Variants in DRC1 observed in about 807,000 individuals in gnomAD.
DRC1 encodes dynein regulatory complex protein 1.
Under a neutral mutation model 98.7 loss-of-function variants are expected in DRC1, and 74 were observed. The observed-to-expected ratio is 0.75, with a 90% CI of 0.62 to 0.91. The LOEUF (loss-of-function observed/expected upper bound fraction) is 0.91, where lower values mean the gene tolerates loss of function less well. DRC1 is among the 40% of genes least tolerant of loss of function. DRC1 has a pLI of 0.00. For synonymous variants in DRC1, 336 were observed against 334.1 expected (o/e 1.01, Z -0.06); for missense variants, 875 against 886.0 (o/e 0.99, Z 0.16).
Position 26,444,350 on chromosome 2 carries a change from C to T in DRC1, c.1157C>T (p.Ala386Val). 1 of 1,613,880 alleles carries T rather than the reference C, an allele frequency of 6.2e-7. No individual in the cohort carries two copies. Among genetic ancestry groups the T allele is most frequent in the Non-Finnish European group, 8.5e-7 (1 of 1,179,964 alleles). Residue 386 changes from alanine (A) to valine (V), a missense_variant, in exon 9 of 17, where the codon GCC becomes GTC. Ala to Val is a moderately conservative substitution (Grantham distance 64, BLOSUM62 0). Coordinates refer to ENST00000288710, the MANE Select transcript of DRC1 (RefSeq NM_145038.5). ...ATGCAATTCAAGGAGCTACAGAAAG[C>T]CATGAGGTATCTTAAGGACTTGGTC... ...LVMQFKELQK[A>V]MRHFALIDDE... is the part of the protein sequence containing the mutation.
intron 2 of DRC1, among the ~76,000 whole-genome samples, chr2:26,417,668 C>G (rs1678854839): frequency 6.6e-6 from 1 of 152,150 alleles, no homozygotes; most frequent in African/African-American, 2.4e-5. Flanking sequence ...TTAGAATCAG[C>G]TTGTCAATTT....
At chr2:26,439,122 C>T (rs981328051) in intron 7 of DRC1, among the ~76,000 whole-genome samples, 2 of 152,172 alleles carry the variant, frequency 1.3e-5, no homozygotes, top group African/African-American at 2.4e-5. Context: ...TTCCTTTCCT[C>T]GTGCCTCACA....
intron 8 of DRC1, 67 bp downstream of exon 8, chr2:26,440,584 T>C: frequency 6.7e-7 from 1 of 1,485,978 alleles, no homozygotes; most frequent in South Asian, 1.5e-5. Flanking sequence ...GGATATGTAC[T>C]TTTTTCTATT....
At chr2:26,429,491 C>A in intron 4 of DRC1, 137 bp from the exon 5 acceptor site, 1 of 1,142,958 alleles carries the variant, frequency 8.7e-7, no homozygotes, top group South Asian at 1.6e-5. Context: ...TAGGTGTGAG[C>A]CACTGTGCGC....
Position 26,449,991 on chromosome 2 carries a change from C to T in DRC1, c.1510-5C>T. 6.2e-7 allele frequency: 1 copy of T among 1,613,566 alleles called. No homozygotes were observed. The highest frequency in any genetic ancestry group is 1.1e-5 in the South Asian group (1 of 91,010). Reference sequence around the variant, plus strand: ...GACAGGAGATGCCTTCTTCCTTCTCCCCAGGGGTTCCTCATAGAGAGCAAG... The same window carrying T: ...GACAGGAGATGCCTTCTTCCTTCTCTCCAGGGGTTCCTCATAGAGAGCAAG... On this transcript the variant is annotated splice_region_variant and splice_polypyrimidine_tract_variant and intron_variant, in intron 11 of 16. Transcript: ENST00000288710.
intron 4 of DRC1, among the ~76,000 whole-genome samples, chr2:26,428,126 A>G (rs1008264625): frequency 1.3e-5 from 2 of 152,250 alleles, no homozygotes; most frequent in African/African-American, 4.8e-5. Flanking sequence ...ATATAAGATC[A>G]TGTCATCTGT....
chr2:26,454,787 A>T lies in DRC1; in HGVS notation c.2060A>T (p.Tyr687Phe). The change falls in exon 15 of 17, where the codon TAC becomes TTC. Residue 687 changes from tyrosine (Y) to phenylalanine (F), a missense_variant. Physicochemically the swap from Tyr to Phe is conservative, Grantham distance 22. Coordinates refer to ENST00000288710, the MANE Select transcript of DRC1 (RefSeq NM_145038.5). This position sits in a 1 kb window ranked among gnomAD's most constrained non-coding sequence, Gnocchi z 5.2. ...GCCCTCTACACAGCCTTGGAGAAGT[A>T]CCAGTAAGTGTGCATGTCATGGAGC... is the stretch of plus-strand genomic sequence containing the variant. ...WDALYTALEK[Y>F]HLVLTQRAKL... is the part of the protein sequence containing the mutation. The T allele has an allele frequency of 6.2e-7, 1 of 1,614,058 alleles. No homozygotes were observed. Among genetic ancestry groups the T allele is most frequent in the Non-Finnish European group, 8.5e-7 (1 of 1,179,976 alleles).
rs1248397769 is a variant in DRC1 at position 26,453,288 on chromosome 2, C to T, written c.1690-32C>T. 3.7e-6 allele frequency: 6 copies of T among 1,612,230 alleles called. No individual in the cohort carries two copies. The African/African-American group carries it at 6.7e-5, about 18-fold the overall frequency. ...CTCCATGCTCATGCTCGTGTGTCCC[C>T]AGCCCACAGTTGTCCGTGCATCTTT... On this transcript the variant is annotated intron_variant, in intron 13 of 16. Coordinates refer to ENST00000288710, the MANE Select transcript of DRC1 (RefSeq NM_145038.5).
intron 1 of DRC1, among the ~76,000 whole-genome samples, chr2:26,403,923 A>G (rs1034170463): frequency 6.6e-6 from 1 of 151,974 alleles, no homozygotes; most frequent in Non-Finnish European, 1.5e-5. Context: ...GACATGGTGA[A>G]ACCCTGTCTC....
chr2:26,456,378 G>T (rs369148430), intron 16 of DRC1, 83 bp from the exon 17 acceptor site: 15 of 1,559,622 alleles, frequency 9.6e-6, no homozygotes, highest in East Asian at 2.2e-5. Context: ...GGAGGCCCAT[G>T]GGAGAGCCAG....
Position 26,454,662 on chromosome 2 carries a change from G to C in DRC1, c.1935G>C (p.Pro645=), listed in dbSNP as rs561986345. 1 of 1,613,966 alleles carries C rather than the reference G, an allele frequency of 6.2e-7. No homozygotes were observed. Among genetic ancestry groups the C allele is most frequent in the African/African-American group, 1.3e-5 (1 of 74,894 alleles). The change falls in exon 15 of 17, where the codon CCG becomes CCC. Residue 645 remains proline, a synonymous_variant. Transcript: ENST00000288710. This position sits in a 1 kb window ranked among gnomAD's most constrained non-coding sequence, Gnocchi z 5.2. ...TGGCCTTCAGGGACTCGCGGGCCCC[G>C]CTGAGGGTACAGAAGAATGTGCGTG... The part of the protein sequence containing the change: ...GLKKPRDSRA[P]LRVQKNVRDN...
At chr2:26,413,997 T>C (rs962624355) in intron 1 of DRC1, among the ~76,000 whole-genome samples, 2 of 151,818 alleles carry the variant, frequency 1.3e-5, no homozygotes, top group African/African-American at 4.8e-5. Context: ...TTTAAAGCAG[T>C]CCTTCTGCCT....
At chr2:26,418,724 A>G (rs183984381) in intron 2 of DRC1, among the ~76,000 whole-genome samples, 5,871 of 111,854 alleles carry the variant, frequency 0.052, 288 homozygotes, top group African/African-American at 0.13. Context: ...TAATATATAA[A>G]TTATATTTAA....
chr2:26,409,100 T>A (rs1436115989), intron 1 of DRC1, among the ~76,000 whole-genome samples: 2 of 144,784 alleles, frequency 1.4e-5, no homozygotes, highest in African/African-American at 2.5e-5. Flanking sequence ...CCCGGCTAAT[T>A]TTTTTTTTTT....
intron 2 of DRC1, 156 bp from the exon 3 acceptor site, chr2:26,421,132 T>G: frequency 1.8e-6 from 1 of 543,574 alleles, no homozygotes. Flanking sequence ...TAGAAAAGGG[T>G]TGCTACACAG....
At chr2:26,414,686 A>G (rs1678738486) in intron 2 of DRC1, among the ~76,000 whole-genome samples, 1 of 152,214 alleles carries the variant, frequency 6.6e-6, no homozygotes, top group African/African-American at 2.4e-5. Context: ...CAGATGTTTT[A>G]GCTTGGGCGC....
At chr2:26,455,071 C>A in intron 15 of DRC1, 60 bp from the exon 16 acceptor site, 1 of 1,575,038 alleles carries the variant, frequency 6.3e-7, no homozygotes, top group Non-Finnish European at 8.7e-7. Context: ...AAGACCCTGG[C>A]CCCTACTTGG....
chr2:26,419,914 G>A (rs548999901), intron 2 of DRC1, among the ~76,000 whole-genome samples: 6 of 152,326 alleles, frequency 3.9e-5, no homozygotes, highest in African/African-American at 1.4e-4. Flanking sequence ...CAGCAGTGCA[G>A]CCAGCTACAA....
intron 7 of DRC1, among the ~76,000 whole-genome samples, chr2:26,439,807 G>A (rs533185835): frequency 6.6e-6 from 1 of 150,814 alleles, no homozygotes; most frequent in African/African-American, 2.4e-5. Context: ...CCTTTAACTT[G>A]ACTCTCATGA....
Sources: allele counts gnomAD v4.1 joint callset (sites outside exome capture counted in the v4.1 genomes callset), GRCh38; gene constraint gnomAD v4.1.1; non-coding constraint Gnocchi (gnomAD v3.1); transcripts MANE v1.5; gene names NCBI Gene and HGNC (gene_info 2026-07-23, HGNC 2026-07-21).